UNC5A: variants seen among roughly 807,000 people sequenced by gnomAD.
UNC5A encodes netrin receptor UNC5A.
UNC5A carries 20 observed loss-of-function variants against 87.4 expected under a neutral mutation model. The ratio of observed to expected loss-of-function variants is 0.23; its 90% CI spans 0.16 to 0.33. The LOEUF (loss-of-function observed/expected upper bound fraction) is 0.33. UNC5A is among the 10% of genes least tolerant of loss of function. The pLI is 1.00. For synonymous variants in UNC5A, 438 were observed against 482.3 expected, an observed-to-expected ratio of 0.91 and a Z score of 1.20; for missense variants, 844 against 1,133.4, an observed-to-expected ratio of 0.74 and a Z score of 3.67.
At position 176,873,954 on chromosome 5, in the gene UNC5A, G is replaced by A. The variant is rs775266595; in HGVS notation, c.887-14G>A. The A allele has an allele frequency of 1.2e-6, 2 of 1,610,336 alleles. No homozygotes were observed. Among genetic ancestry groups the A allele is most frequent in the Non-Finnish European group, 8.5e-7 (1 of 1,178,616 alleles). ...ACACCCCTGCCCCCACCAAGGCCAT[G>A]CTGTCTCCCGCAGCTGCTTCTGGCC... On this transcript the variant is annotated splice_polypyrimidine_tract_variant and intron_variant, in intron 6 of 14. Transcript: ENST00000329542.
In UNC5A at chr5:176,878,565, C is replaced by T; in HGVS notation, c.2110C>T (p.Leu704=). Residue 704 remains leucine, a synonymous_variant, in exon 13 of 15, where the codon CTG becomes TTG. Coordinates refer to ENST00000329542, the MANE Select transcript of UNC5A (RefSeq NM_133369.3). ...GCGTGTCAGCCCCAGCACTAGTGAC[C>T]TGGCCTGCAAGCTGTGGGTGTGGCA... ...LERVSPSTSD[L]ACKLWVWQVE... 1 of 1,613,166 alleles carries T rather than the reference C, an allele frequency of 6.2e-7. No individual in the cohort carries two copies. Among genetic ancestry groups the T allele is most frequent in the Non-Finnish European group, 8.5e-7 (1 of 1,179,994 alleles).
At chr5:176,868,009 A>G in intron 2 of UNC5A, 121 bp from the exon 3 acceptor site, 1 of 815,986 alleles carries the variant, frequency 1.2e-6, no homozygotes, top group South Asian at 4.1e-5. Context: ...AATTTAAAAA[A>G]AAAAAAACAA....
chr5:176,835,972 TA>T (rs1210193976), intron 1 of UNC5A, among the ~76,000 whole-genome samples: 1 of 152,236 alleles, frequency 6.6e-6, no homozygotes, highest in African/African-American at 2.4e-5. Flanking sequence ...TAATCTTTTT[TA>T]ACATTTAAAT....
intron 1 of UNC5A, among the ~76,000 whole-genome samples, chr5:176,811,508 C>T (rs1756453787): frequency 6.6e-6 from 1 of 152,250 alleles, no homozygotes; most frequent in Non-Finnish European, 1.5e-5. Context: ...GTTTCCCCTT[C>T]TTCCTTAAAC....
chr5:176,818,119 GCCCTT>G (rs536146090), intron 1 of UNC5A, among the ~76,000 whole-genome samples: 2 of 152,294 alleles, frequency 1.3e-5, no homozygotes, highest in African/African-American at 4.8e-5. Flanking sequence ...GCCCCTGCCC[GCCCTT>G]CCCGGGCCCC....
At chr5:176,861,438 T>G (rs1265697924) in intron 1 of UNC5A, among the ~76,000 whole-genome samples, 1 of 152,136 alleles carries the variant, frequency 6.6e-6, no homozygotes, top group Non-Finnish European at 1.5e-5. Flanking sequence ...ACACACCTCC[T>G]GCCGTGAAAC....
chr5:176,874,711 G>A lies in UNC5A; in HGVS notation c.1378+145G>A. 1.0e-6 allele frequency: 1 copy of A among 959,640 alleles called. No individual in the cohort carries two copies. The highest frequency in any genetic ancestry group is 1.5e-6 in the Non-Finnish European group (1 of 680,730). 59.4% of individuals were successfully genotyped at this position (959,640 alleles called of 1,614,324 possible). ...GGAGTTTTGGGGAGAACCCAGTCTTGGCTGGCACCGAGGCCGTGGCCAGAG... is the reference window on the plus strand; with the variant it reads ...GGAGTTTTGGGGAGAACCCAGTCTTAGCTGGCACCGAGGCCGTGGCCAGAG... On this transcript the variant is annotated intron_variant, in intron 8 of 14. Coordinates refer to ENST00000329542, the MANE Select transcript of UNC5A (RefSeq NM_133369.3). This position sits in a 1 kb window ranked among gnomAD's most constrained non-coding sequence, Gnocchi z 7.6.
chr5:176,811,354 C>T (rs528133373), intron 1 of UNC5A, among the ~76,000 whole-genome samples: 1 of 152,380 alleles, frequency 6.6e-6, no homozygotes, highest in East Asian at 1.9e-4. Flanking sequence ...CTCTCACACG[C>T]ACACACTCAG....
rs1465110314 is a variant in UNC5A at position 176,824,636 on chromosome 5, G to A, written c.70+13816G>A. Among the ~76,000 whole-genome samples, 1 of 152,166 alleles carries A rather than the reference G, an allele frequency of 6.6e-6. No individual in the cohort carries two copies. Among genetic ancestry groups the A allele is most frequent in the African/African-American group, 2.4e-5 (1 of 41,448 alleles). ...TCTCTTGAAAAAGCAAAAGATCTGG[G>A]CTGGGCCCAGCAAGCCCATTTTCCT... On this transcript the variant is annotated intron_variant, in intron 1 of 14. Coordinates refer to ENST00000329542, the MANE Select transcript of UNC5A (RefSeq NM_133369.3). This position sits in a 1 kb window ranked among gnomAD's most constrained non-coding sequence, Gnocchi z 4.2.
intron 3 of UNC5A, 40 bp from the exon 4 acceptor site, chr5:176,868,521 G>T: frequency 6.4e-7 from 1 of 1,559,108 alleles, no homozygotes; most frequent in Non-Finnish European, 8.7e-7. Flanking sequence ...GAGCCTGTGC[G>T]AGGCCCTCAG....
At chr5:176,860,989 C>T (rs559773093) in intron 1 of UNC5A, among the ~76,000 whole-genome samples, 2 of 152,126 alleles carry the variant, frequency 1.3e-5, no homozygotes, top group African/African-American at 2.4e-5. Context: ...ACAAACTGTC[C>T]GGCTATGTCC....
intron 1 of UNC5A, among the ~76,000 whole-genome samples, chr5:176,846,641 C>T (rs528223394): frequency 1.3e-5 from 2 of 152,286 alleles, no homozygotes; most frequent in East Asian, 3.9e-4. Context: ...GGACTTACCA[C>T]TTGGATGATC....
At chr5:176,836,967 G>T (rs6885001) in intron 1 of UNC5A, among the ~76,000 whole-genome samples, 34 of 152,222 alleles carry the variant, frequency 2.2e-4, no homozygotes, top group African/African-American at 8.2e-4. Context: ...CCCTGCCAGA[G>T]CCAGCGCACA....
chr5:176,868,298 G>A (rs1758022702), intron 3 of UNC5A, 25 bp downstream of exon 3: 2 of 1,611,542 alleles, frequency 1.2e-6, no homozygotes, highest in African/African-American at 2.7e-5. Context: ...GGGCCCTGGG[G>A]GAGGGCGCAC....
intron 13 of UNC5A, 87 bp downstream of exon 13, chr5:176,878,726 C>A (rs1758332675): frequency 6.7e-7 from 1 of 1,499,532 alleles, no homozygotes; most frequent in Non-Finnish European, 9.0e-7. Flanking sequence ...CCCTGCCTGC[C>A]CTGCCACCCA....
intron 1 of UNC5A, among the ~76,000 whole-genome samples, chr5:176,832,795 G>T (rs985823890): frequency 6.6e-6 from 1 of 152,198 alleles, no homozygotes; most frequent in Non-Finnish European, 1.5e-5. Flanking sequence ...GCTGAAGCTG[G>T]TTGGGCAAGA....
In UNC5A at chr5:176,812,599, G is replaced by A. The variant is rs373976544; in HGVS notation, c.70+1779G>A. 2.6e-3 allele frequency among the ~76,000 whole-genome samples: 400 copies of A among 152,308 alleles called. 4 individuals are homozygous for A. The highest frequency in any genetic ancestry group is 8.5e-3 in the African/African-American group (355 of 41,556). On this transcript the variant is annotated intron_variant, in intron 1 of 14. Coordinates refer to ENST00000329542, the MANE Select transcript of UNC5A (RefSeq NM_133369.3). ...GAAGCAGGGTGCTGCGGCCTGGAGC[G>A]GGGGGTTGCCACAGGGACTCCTCAG...
intron 6 of UNC5A, among the ~76,000 whole-genome samples, chr5:176,873,319 A>AT (rs370648040): frequency 2.1e-4 from 31 of 148,834 alleles, no homozygotes; most frequent in South Asian, 1.1e-3. Context: ...TCTCTGTTGG[A>AT]TTTTTTTTTT....
At chr5:176,868,055 G>T in intron 2 of UNC5A, 75 bp from the exon 3 acceptor site, 1 of 1,446,830 alleles carries the variant, frequency 6.9e-7, no homozygotes, top group Non-Finnish European at 9.4e-7. Flanking sequence ...GAGTGGCTGA[G>T]GGTGGCGCAG....
Sources: gnomAD v4.1 joint callset for allele counts (sites outside exome capture counted in the v4.1 genomes callset) on GRCh38, gnomAD v4.1.1 for gene constraint, Gnocchi (gnomAD v3.1) non-coding constraint, MANE v1.5 for transcripts, NCBI Gene and HGNC (gene_info 2026-07-23, HGNC 2026-07-21) for gene names.